The following SLC9A9 variants were observed in gnomAD, a reference collection of about 807,000 sequenced individuals.
The protein encoded by SLC9A9 is solute carrier family 9 member A9.
SLC9A9 carries 62 observed loss-of-function variants against 77.8 expected under a neutral mutation model. The ratio of observed to expected loss-of-function variants is 0.80; its 90% CI spans 0.65 to 0.98. SLC9A9 has a LOEUF of 0.98. Among genes scored for constraint, SLC9A9 ranks in the 50% least tolerant of loss-of-function variants. The pLI is 0.00. For synonymous variants in SLC9A9, 320 were observed against 283.5 expected (o/e 1.13, Z -1.29); for missense variants, 775 against 774.9 (o/e 1.00, Z 0.00).
intron 14 of SLC9A9, among the ~76,000 whole-genome samples, chr3:143,285,792 C>G (rs1171456566): frequency 2.0e-5 from 3 of 151,986 alleles, no homozygotes; most frequent in Non-Finnish European, 4.4e-5. Flanking sequence ...TTAGAGACTT[C>G]CATTTGCAAT....
In SLC9A9 at chr3:143,574,099, G is replaced by A. The variant is rs1410388008; in HGVS notation, c.989C>T (p.Ala330Val). ...CATGAAGCACTGACCTGTTAGGCCG[G>A]CAGCCTCGGCAGACAGGAAGGCACT... ...SWSAFLSAEA[A>V]GLTGIVAVLF... Residue 330 changes from alanine (A) to valine (V), a missense_variant, in exon 8 of 16, where the codon GCC becomes GTC. By Grantham distance (64) the Ala-to-Val change is moderately conservative. Transcript: ENST00000316549. 1.2e-6 allele frequency: 2 copies of A among 1,612,936 alleles called. No homozygotes were observed. Among genetic ancestry groups the A allele is most frequent in the Admixed American group, 1.7e-5 (1 of 59,984 alleles).
chr3:143,541,665 G>GA lies in SLC9A9; in HGVS notation c.1089+10696dup, dbSNP rs1290257827. 6.6e-5 allele frequency among the ~76,000 whole-genome samples: 10 copies of GA among 152,292 alleles called. No individual in the cohort carries two copies. The South Asian group carries it at 2.1e-3, about 32-fold the overall frequency. On this transcript the variant is annotated intron_variant, in intron 9 of 15. Coordinates refer to ENST00000316549, the MANE Select transcript of SLC9A9 (RefSeq NM_173653.4). The stretch of plus-strand genomic sequence containing the variant: ...CCATGTCCAGGTTGACCCTGGGTTG[G>GA]AAAACTGGTCCAAGCCCTTGAAGTC...
At chr3:143,547,397 C>T (rs888219043) in intron 9 of SLC9A9, among the ~76,000 whole-genome samples, 1 of 152,228 alleles carries the variant, frequency 6.6e-6, no homozygotes, top group African/African-American at 2.4e-5. Context: ...ATACACATCC[C>T]AAACTTAACA....
At position 143,596,768 on chromosome 3, in the gene SLC9A9, T is replaced by A. The variant is rs190895296; in HGVS notation, c.756-18045A>T. ...GCCTCGACCTCCTGGGCTCAAGTAATCCTCCTGCCTCATCCTCCCATGTAG... is the reference window on the plus strand; with the variant it reads ...GCCTCGACCTCCTGGGCTCAAGTAAACCTCCTGCCTCATCCTCCCATGTAG... On this transcript the variant is annotated intron_variant, in intron 6 of 15. Coordinates refer to ENST00000316549, the MANE Select transcript of SLC9A9 (RefSeq NM_173653.4). Among the ~76,000 whole-genome samples, 351 of 152,260 alleles carry A rather than the reference T, an allele frequency of 2.3e-3. 2 individuals carry two copies. Among genetic ancestry groups the A allele is most frequent in the South Asian group, 0.013 (61 of 4,818 alleles).
chr3:143,539,917 C>G (rs1412631395), intron 9 of SLC9A9, among the ~76,000 whole-genome samples: 1 of 151,642 alleles, frequency 6.6e-6, no homozygotes, highest in Non-Finnish European at 1.5e-5. Flanking sequence ...TGAGCACTAT[C>G]TTTTTAAGGA....
At chr3:143,733,044 G>T (rs1438085192) in intron 4 of SLC9A9, among the ~76,000 whole-genome samples, 4 of 152,094 alleles carry the variant, frequency 2.6e-5, no homozygotes, top group African/African-American at 9.7e-5. Context: ...CTGGCTGTTT[G>T]CATTTTTCCC....
At chr3:143,668,481 C>CA (rs1240416631) in intron 5 of SLC9A9, among the ~76,000 whole-genome samples, 7 of 151,762 alleles carry the variant, frequency 4.6e-5, no homozygotes, top group African/African-American at 1.7e-4. Flanking sequence ...AGTATAATAA[C>CA]AAAAAAAGTA....
At chr3:143,438,339 T>G (rs73867634) in intron 12 of SLC9A9, among the ~76,000 whole-genome samples, 2,105 of 152,314 alleles carry the variant, frequency 0.014, 49 homozygotes, top group African/African-American at 0.048. Flanking sequence ...AAGAGCAGCA[T>G]AGGCTTATGT....
chr3:143,384,948 T>C (rs2108500630), intron 12 of SLC9A9, among the ~76,000 whole-genome samples: 1 of 152,352 alleles, frequency 6.6e-6, no homozygotes, highest in Non-Finnish European at 1.5e-5. Flanking sequence ...TAGCTGCTTT[T>C]GAGGAAAATC....
At chr3:143,511,086 G>A (rs1003596998) in intron 9 of SLC9A9, among the ~76,000 whole-genome samples, 1 of 152,196 alleles carries the variant, frequency 6.6e-6, no homozygotes, top group Non-Finnish European at 1.5e-5. Flanking sequence ...ATCGAGAAAA[G>A]AATGCCCACG....
chr3:143,490,987 T>G (rs2035734331), intron 11 of SLC9A9, among the ~76,000 whole-genome samples: 1 of 152,202 alleles, frequency 6.6e-6, no homozygotes, highest in African/African-American at 2.4e-5. Flanking sequence ...TCTTTGATGT[T>G]CAGATTCATT....
intron 9 of SLC9A9, among the ~76,000 whole-genome samples, chr3:143,504,984 G>A (rs996549376): frequency 3.3e-5 from 5 of 152,070 alleles, no homozygotes; most frequent in Admixed American, 6.5e-5. Flanking sequence ...AGTTTGCAAA[G>A]CATATTTTCA....
At chr3:143,804,279 C>G (rs970405545) in intron 2 of SLC9A9, among the ~76,000 whole-genome samples, 11 of 152,204 alleles carry the variant, frequency 7.2e-5, no homozygotes, top group African/African-American at 2.7e-4. Context: ...GTATTTCACT[C>G]CATCCTTGGC....
intron 12 of SLC9A9, among the ~76,000 whole-genome samples, chr3:143,407,531 A>T (rs548226227): frequency 3.8e-4 from 58 of 152,342 alleles, no homozygotes; most frequent in Non-Finnish European, 6.3e-4. Flanking sequence ...TTAAAAGAAC[A>T]TATCCATTAT....
chr3:143,315,332 C>T (rs961233603), intron 14 of SLC9A9, among the ~76,000 whole-genome samples: 2 of 152,216 alleles, frequency 1.3e-5, no homozygotes, highest in African/African-American at 4.8e-5. Context: ...ATAGAGTTGG[C>T]TCATCCTGAC....
At chr3:143,419,645 G>T (rs1407942329) in intron 12 of SLC9A9, among the ~76,000 whole-genome samples, 2 of 152,120 alleles carry the variant, frequency 1.3e-5, no homozygotes, top group Non-Finnish European at 2.9e-5. Flanking sequence ...GTGTTAGCGT[G>T]GGTGAGATGA....
chr3:143,771,538 T>C (rs1337289331), intron 4 of SLC9A9, among the ~76,000 whole-genome samples: 1 of 152,074 alleles, frequency 6.6e-6, no homozygotes, highest in African/African-American at 2.4e-5. Context: ...GGGAGAAAGG[T>C]TAGAATCTCA....
At chr3:143,739,150 C>T (rs1308775671) in intron 4 of SLC9A9, among the ~76,000 whole-genome samples, 3 of 152,076 alleles carry the variant, frequency 2.0e-5, no homozygotes, top group Admixed American at 2.0e-4. Flanking sequence ...GAAGACCAGT[C>T]CCCACCCTGC....
At chr3:143,784,888 A>G (rs1042104277) in intron 4 of SLC9A9, among the ~76,000 whole-genome samples, 5 of 152,176 alleles carry the variant, frequency 3.3e-5, no homozygotes, top group African/African-American at 1.2e-4. Context: ...GTGCCCTTAT[A>G]AAAAGGATGC....
Sources: allele counts gnomAD v4.1 joint callset (sites outside exome capture counted in the v4.1 genomes callset), GRCh38; gene constraint gnomAD v4.1.1; transcripts MANE v1.5; gene names NCBI Gene and HGNC (gene_info 2026-07-23, HGNC 2026-07-21).